FGF13: variants seen among roughly 807,000 people sequenced by gnomAD.
FGF13 encodes the protein fibroblast growth factor 13.
FGF13 carries 2 observed loss-of-function variants against 19.5 expected under a neutral mutation model. That is an observed-to-expected ratio of 0.10 (90% confidence interval 0.04 to 0.32). FGF13 has a LOEUF of 0.32. FGF13 is among the 10% of genes least tolerant of loss of function. The pLI, the probability that FGF13 is intolerant of heterozygous loss-of-function variation, is 1.00. For synonymous variants in FGF13, 72 were observed against 76.9 expected (o/e 0.94, Z 0.33); for missense variants, 113 against 192.7 (o/e 0.59, Z 2.45).
At chrX:138,762,132 G>T (rs2090471777) in intron 3 of FGF13, among the ~76,000 whole-genome samples, 1 of 110,415 alleles carries the variant, frequency 9.1e-6, no homozygotes, top group South Asian at 3.9e-4. Flanking sequence ...GCTGCCTGTG[G>T]CAGGTGCCTA....
At chrX:138,907,776 G>A (rs2091565468) in intron 1 of FGF13, among the ~76,000 whole-genome samples, 1 of 111,188 alleles carries the variant, frequency 9.0e-6, no homozygotes. Context: ...TATACACATG[G>A]GGTTTCACTG....
intron 3 of FGF13, among the ~76,000 whole-genome samples, chrX:138,828,945 T>C (rs1458619632): frequency 9.0e-6 from 1 of 111,393 alleles, no homozygotes; most frequent in Admixed American, 9.5e-5. Flanking sequence ...AAATGGAGAG[T>C]ACAATAGTTT....
At chrX:139,087,513 A>G (rs1181369861) in intron 1 of FGF13, among the ~76,000 whole-genome samples, 1 of 111,538 alleles carries the variant, frequency 9.0e-6, no homozygotes, top group Non-Finnish European at 1.9e-5. Context: ...CCTTCATGCC[A>G]TTTTCCAGAA....
intron 1 of FGF13, among the ~76,000 whole-genome samples, chrX:138,917,758 A>G (rs192016539): frequency 8.9e-6 from 1 of 111,764 alleles, no homozygotes; most frequent in Admixed American, 9.5e-5. Flanking sequence ...TGCTATGAAC[A>G]TATTTTGCTA....
At chrX:139,078,446 C>G (rs2124439318) in intron 1 of FGF13, among the ~76,000 whole-genome samples, 1 of 111,700 alleles carries the variant, frequency 9.0e-6, no homozygotes, top group African/African-American at 3.2e-5. Context: ...TAACTTAATA[C>G]AAAAGGGTAG....
chrX:138,711,576 G>C lies in FGF13; in HGVS notation c.-573C>G. 1.3e-6 allele frequency: 1 copy of C among 755,542 alleles called. No individual in the cohort carries two copies. Among genetic ancestry groups the C allele is most frequent in the Non-Finnish European group, 1.6e-6 (1 of 639,678 alleles). 62.3% of individuals were successfully genotyped at this position (755,542 alleles called of 1,213,427 possible). On this transcript the variant is annotated 5_prime_UTR_variant, in exon 1 of 5. Coordinates refer to ENST00000315930, the MANE Select transcript of FGF13 (RefSeq NM_004114.5). ...TTGCAACTTCTTGGCGTGATAATCG[G>C]GAAAAGTTGGCCCGTGCCAGGTTTC... is the stretch of plus-strand genomic sequence containing the variant.
upstream of FGF13, chrX:139,204,051 G>C (rs753033754): frequency 2.5e-6 from 3 of 1,209,445 alleles, no homozygotes; most frequent in East Asian, 8.9e-5. Context: ...CTCGGCGGGC[G>C]GGCTTACCCT....
intron 1 of FGF13, among the ~76,000 whole-genome samples, chrX:139,061,853 C>G (rs2092337328): frequency 9.0e-6 from 1 of 110,629 alleles, no homozygotes; most frequent in African/African-American, 3.3e-5. Context: ...ACCTGTTGGC[C>G]GTTTGTATGT....
At chrX:138,704,068 C>G (rs2089973093) in intron 2 of FGF13, among the ~76,000 whole-genome samples, 1 of 112,092 alleles carries the variant, frequency 8.9e-6, no homozygotes. Context: ...GTTGAGAGGG[C>G]TCCTAGCTTT....
chrX:138,916,260 G>A (rs1307709285), intron 1 of FGF13, among the ~76,000 whole-genome samples: 1 of 111,704 alleles, frequency 9.0e-6, no homozygotes, highest in Admixed American at 9.6e-5. Flanking sequence ...AGTGCACAGT[G>A]CCCAAAACAC....
At position 138,632,818 on chromosome X, in the gene FGF13, C is replaced by CTGT. The variant is rs1348630072; in HGVS notation, c.*29_*31dup. 1 of 1,190,984 alleles carries CTGT rather than the reference C, an allele frequency of 8.4e-7. No individual in the cohort carries two copies. Among genetic ancestry groups the CTGT allele is most frequent in the African/African-American group, 1.8e-5 (1 of 56,654 alleles). On this transcript the variant is annotated 3_prime_UTR_variant, in exon 5 of 5. Transcript: ENST00000315930. ...TTCAACAGCACCTGGAGGTAAGGTTCTGTTACAGAGCCCTTCTTTTGCCCT... is the reference window on the plus strand; with the variant it reads ...TTCAACAGCACCTGGAGGTAAGGTTCTGTTGTTACAGAGCCCTTCTTTTGCCCT...
intron 1 of FGF13, among the ~76,000 whole-genome samples, chrX:138,952,407 A>G (rs1303264525): frequency 8.9e-6 from 1 of 111,923 alleles, no homozygotes; most frequent in East Asian, 2.8e-4. Context: ...CCTTCCTTAC[A>G]CCTTATACAA....
At chrX:139,001,842 T>C (rs1447100832) in intron 1 of FGF13, among the ~76,000 whole-genome samples, 3 of 111,968 alleles carry the variant, frequency 2.7e-5, no homozygotes, top group Non-Finnish European at 5.6e-5. Context: ...TTACTGAGTA[T>C]ATACCCAAAG....
At chrX:139,134,736 C>T (rs1168626249) in intron 1 of FGF13, among the ~76,000 whole-genome samples, 1 of 111,645 alleles carries the variant, frequency 9.0e-6, no homozygotes, top group Non-Finnish European at 1.9e-5. Context: ...GCAACCTCTG[C>T]CTCCCGGGTT....
chrX:138,776,039 GA>G (rs2090585099), intron 3 of FGF13, among the ~76,000 whole-genome samples: 1 of 112,603 alleles, frequency 8.9e-6, no homozygotes, highest in Non-Finnish European at 1.9e-5. Flanking sequence ...TAAGGCTGGA[GA>G]AGCTCAGTGG....
intron 3 of FGF13, among the ~76,000 whole-genome samples, chrX:138,783,825 A>G (rs1267911460): frequency 9.1e-6 from 1 of 110,476 alleles, no homozygotes; most frequent in Non-Finnish European, 1.9e-5. Context: ...GTATATACCC[A>G]AAGGACTATA....
chrX:138,881,080 T>G (rs934663184), intron 1 of FGF13, among the ~76,000 whole-genome samples: 1 of 111,971 alleles, frequency 8.9e-6, no homozygotes, highest in African/African-American at 3.2e-5. Flanking sequence ...TTCCACTAAT[T>G]TAGGTTATTA....
At chrX:138,930,442 C>T (rs191171090) in intron 1 of FGF13, among the ~76,000 whole-genome samples, 2 of 111,810 alleles carry the variant, frequency 1.8e-5, no homozygotes, top group East Asian at 2.8e-4. Flanking sequence ...AAATATGATC[C>T]GGTGCTTTCT....
intron 1 of FGF13, among the ~76,000 whole-genome samples, chrX:138,996,820 C>T (rs745376533): frequency 3.6e-5 from 4 of 112,311 alleles, no homozygotes; most frequent in Admixed American, 9.3e-5. Context: ...GCACAGCGTT[C>T]GAGCTCTGAT....
Sources: gnomAD v4.1 joint callset for allele counts (sites outside exome capture counted in the v4.1 genomes callset) on GRCh38, gnomAD v4.1.1 for gene constraint, MANE v1.5 for transcripts, NCBI Gene and HGNC (gene_info 2026-07-23, HGNC 2026-07-21) for gene names.